The following SLC25A21 variants were observed in gnomAD, a reference collection of about 807,000 sequenced individuals.
SLC25A21 encodes mitochondrial 2-oxodicarboxylate carrier.
SLC25A21 carries 47 observed loss-of-function variants against 43.8 expected under a neutral mutation model. The ratio of observed to expected loss-of-function variants is 1.07; its 90% CI spans 0.85 to 1.37. The LOEUF (loss-of-function observed/expected upper bound fraction) is 1.37. SLC25A21 is among the 40% of genes most tolerant of loss of function. The probability of loss-of-function intolerance (pLI) is 0.00; values close to 1 mark genes in which losing one functional copy is unlikely to be tolerated. For synonymous variants in SLC25A21, 131 were observed against 121.3 expected, an observed-to-expected ratio of 1.08 and a Z score of -0.52; for missense variants, 352 against 350.2, an observed-to-expected ratio of 1.00 and a Z score of -0.04.
chr14:36,898,195 C>T (rs1309785757), intron 1 of SLC25A21, among the ~76,000 whole-genome samples: 1 of 152,204 alleles, frequency 6.6e-6, no homozygotes, highest in Non-Finnish European at 1.5e-5. Context: ...GTTCGAGCTT[C>T]CCGGCCTCTT....
intron 1 of SLC25A21, among the ~76,000 whole-genome samples, chr14:36,888,219 T>C (rs1890978621): frequency 6.6e-6 from 1 of 152,182 alleles, no homozygotes; most frequent in African/African-American, 2.4e-5. Flanking sequence ...GAGGGTCATT[T>C]TTAAAAATCT....
At chr14:36,989,144 T>C (rs1396985437) in intron 1 of SLC25A21, among the ~76,000 whole-genome samples, 1 of 152,212 alleles carries the variant, frequency 6.6e-6, no homozygotes, top group Non-Finnish European at 1.5e-5. Flanking sequence ...CAAAAAATAC[T>C]GGCTTTGCCA....
chr14:36,900,623 T>C (rs923219462), intron 1 of SLC25A21, among the ~76,000 whole-genome samples: 8 of 152,212 alleles, frequency 5.3e-5, no homozygotes, highest in African/African-American at 1.9e-4. Flanking sequence ...GTTTGGTTAT[T>C]CTATGTTCCT....
chr14:36,923,344 T>C (rs1009947236), intron 1 of SLC25A21, among the ~76,000 whole-genome samples: 8 of 152,086 alleles, frequency 5.3e-5, no homozygotes, highest in African/African-American at 4.8e-5. Flanking sequence ...AAAAATATAT[T>C]TTAAAAACAA....
intron 1 of SLC25A21, among the ~76,000 whole-genome samples, chr14:37,050,309 G>A (rs377451209): frequency 6.6e-6 from 1 of 152,314 alleles, no homozygotes; most frequent in South Asian, 2.1e-4. Context: ...ATCTAATACA[G>A]TAAGTAATAG....
chr14:36,839,727 C>T (rs1889323653), intron 2 of SLC25A21, among the ~76,000 whole-genome samples: 1 of 152,176 alleles, frequency 6.6e-6, no homozygotes, highest in Admixed American at 6.5e-5. Flanking sequence ...ATTGCACACA[C>T]ATTTTAGAAT....
Position 37,172,351 on chromosome 14 carries a change from C to T in SLC25A21, c.-1G>A. 1 of 1,596,110 alleles carries T rather than the reference C, an allele frequency of 6.3e-7. No individual in the cohort carries two copies. The highest frequency in any genetic ancestry group is 8.5e-7 in the Non-Finnish European group (1 of 1,171,266). ...AGCTGACTTCAGGCTTGGCGGACAT[C>T]TTCGCCAGGCGGGAGGACAAGGGAG... On this transcript the variant is annotated 5_prime_UTR_variant, in exon 1 of 10. Transcript: ENST00000331299.
At chr14:36,769,850 T>TA (rs1188197647) in intron 3 of SLC25A21, among the ~76,000 whole-genome samples, 1 of 152,218 alleles carries the variant, frequency 6.6e-6, no homozygotes, top group East Asian at 1.9e-4. Flanking sequence ...TTCTTACTCT[T>TA]ACACCTCTTT....
intron 2 of SLC25A21, among the ~76,000 whole-genome samples, chr14:36,859,452 C>T (rs897957013): frequency 3.3e-5 from 5 of 152,200 alleles, no homozygotes; most frequent in Non-Finnish European, 5.9e-5. Flanking sequence ...AGCATCAAGC[C>T]GCCCATCCAG....
At chr14:36,851,681 A>G (rs1216908361) in intron 2 of SLC25A21, among the ~76,000 whole-genome samples, 1 of 152,210 alleles carries the variant, frequency 6.6e-6, no homozygotes, top group Non-Finnish European at 1.5e-5. Flanking sequence ...TCTCAATGGC[A>G]TAATGTCTGG....
At chr14:37,139,574 G>A (rs1963537072) in intron 1 of SLC25A21, among the ~76,000 whole-genome samples, 1 of 152,026 alleles carries the variant, frequency 6.6e-6, no homozygotes. Flanking sequence ...TTTCCACTCA[G>A]TAACTGAAAA....
At chr14:36,891,737 C>T (rs1332257588) in intron 1 of SLC25A21, among the ~76,000 whole-genome samples, 2 of 152,040 alleles carry the variant, frequency 1.3e-5, no homozygotes, top group Non-Finnish European at 2.9e-5. Context: ...ATAGGAGAGG[C>T]AGAGCGCGTA....
intron 1 of SLC25A21, among the ~76,000 whole-genome samples, chr14:37,161,011 G>GA (rs1963931147): frequency 1.1e-5 from 1 of 91,632 alleles, no homozygotes; most frequent in Non-Finnish European, 2.5e-5. Context: ...GGTGGAGGGG[G>GA]CGGGGGGGAG....
chr14:37,099,307 C>T (rs374323477), intron 1 of SLC25A21, among the ~76,000 whole-genome samples: 1 of 152,144 alleles, frequency 6.6e-6, no homozygotes, highest in South Asian at 2.1e-4. Flanking sequence ...AGTTTCTAAC[C>T]AAGGAGGGCC....
chr14:37,059,846 T>C (rs1961907057), intron 1 of SLC25A21, among the ~76,000 whole-genome samples: 1 of 152,078 alleles, frequency 6.6e-6, no homozygotes, highest in South Asian at 2.1e-4. Context: ...CAACCAACAA[T>C]TCCAGATCCA....
intron 1 of SLC25A21, among the ~76,000 whole-genome samples, chr14:36,940,260 A>G (rs888074536): frequency 6.6e-6 from 1 of 152,110 alleles, no homozygotes. Flanking sequence ...GAAACCACTG[A>G]TTCTTTTTCA....
At chr14:37,009,296 T>TG (rs1394698780) in intron 1 of SLC25A21, among the ~76,000 whole-genome samples, 2 of 152,118 alleles carry the variant, frequency 1.3e-5, no homozygotes, top group East Asian at 3.9e-4. Context: ...GAGACCAGCC[T>TG]GGCCAACATG....
chr14:36,767,243 T>C (rs997620907), intron 3 of SLC25A21, among the ~76,000 whole-genome samples: 22 of 152,202 alleles, frequency 1.4e-4, no homozygotes, highest in African/African-American at 5.3e-4. Flanking sequence ...TAAAAAGTGC[T>C]CAAAAAATTA....
chr14:36,882,775 G>T (rs1291897425), intron 1 of SLC25A21, among the ~76,000 whole-genome samples: 1 of 151,286 alleles, frequency 6.6e-6, no homozygotes, highest in Non-Finnish European at 1.5e-5. Context: ...TCTCTGCCTG[G>T]ATATCTAGTA....
Sources: allele counts gnomAD v4.1 joint callset (sites outside exome capture counted in the v4.1 genomes callset), GRCh38; gene constraint gnomAD v4.1.1; transcripts MANE v1.5; gene names NCBI Gene and HGNC (gene_info 2026-07-23, HGNC 2026-07-21).